Variants in MMP8 observed in about 807,000 individuals in gnomAD.
The protein encoded by MMP8 is neutrophil collagenase.
MMP8 carries 67 observed loss-of-function variants against 51.2 expected under a neutral mutation model. The observed-to-expected ratio is 1.31, with a 90% CI of 1.08 to 1.60. MMP8 has a LOEUF of 1.60. Among genes scored for constraint, MMP8 ranks in the 40% most tolerant of loss-of-function variants. MMP8 has a pLI of 0.00. For missense variants in MMP8, 654 were observed against 558.1 expected, an observed-to-expected ratio of 1.17 and a Z score of -1.73; for synonymous variants, 225 against 191.0, an observed-to-expected ratio of 1.18 and a Z score of -1.47.
intron 1 of MMP8, chr11:102,723,942 G>T: frequency 3.0e-6 from 1 of 329,122 alleles, no homozygotes; most frequent in Non-Finnish European, 6.4e-6. Flanking sequence ...AGATATTTTT[G>T]TCTCTGAAAT....
rs1861502228 is a variant in MMP8, at chr11:102,722,490, T to C, written c.286A>G (p.Ser96Gly). The change falls in exon 2 of 10, where the codon AGT (serine) becomes GGT (glycine). Residue 96 changes from serine to glycine, a missense_variant. Ser to Gly is a moderately conservative substitution (Grantham distance 56). Coordinates refer to ENST00000236826, the MANE Select transcript of MMP8 (RefSeq NM_002424.3). Reference sequence around the variant, plus strand: ...CCTGGGGTTAACATAAAACCACCACTGTCAGGCACTCCACAGCGAGGCTTT... The same window carrying C: ...CCTGGGGTTAACATAAAACCACCACCGTCAGGCACTCCACAGCGAGGCTTT... ...MKKPRCGVPD[S>G]GGFMLTPGNP... 1 of 1,613,938 alleles carries C rather than the reference T, an allele frequency of 6.2e-7. No homozygotes were observed. Among genetic ancestry groups the C allele is most frequent in the South Asian group, 1.1e-5 (1 of 91,082 alleles).
At chr11:102,714,957 G>A (rs1861244833) in intron 7 of MMP8, among the ~76,000 whole-genome samples, 1 of 151,772 alleles carries the variant, frequency 6.6e-6, no homozygotes, top group Admixed American at 6.6e-5. Context: ...GACATTCAAG[G>A]CCCCACAATT....
Position 102,715,381 on chromosome 11 carries a change from A to G in MMP8, c.959T>C (p.Leu320Pro). The part of the protein sequence containing the change: ...LQRVEMNFIS[L>P]FWPSLPTGIQ... The stretch of plus-strand genomic sequence containing the variant: ...ACCAGTTGGAAGGGATGGCCAGAAT[A>G]GAGAAATAAAATTCATTTCGACTCT... Residue 320 changes from leucine to proline, a missense_variant, in exon 7 of 10, where the codon CTA becomes CCA. Leu to Pro is a moderately conservative substitution (Grantham distance 98). Transcript: ENST00000236826. 6.2e-7 allele frequency: 1 copy of G among 1,613,770 alleles called. No homozygotes were observed. Among genetic ancestry groups the G allele is most frequent in the Non-Finnish European group, 8.5e-7 (1 of 1,179,802 alleles).
chr11:102,723,860 A>C (rs1170371619), intron 1 of MMP8: 3 of 252,240 alleles, frequency 1.2e-5, no homozygotes, highest in Non-Finnish European at 2.6e-5. Flanking sequence ...GGAATCAGAC[A>C]GGCCTGGGTT....
At chr11:102,723,261 G>A (rs1366445705) in intron 1 of MMP8, among the ~76,000 whole-genome samples, 1 of 152,142 alleles carries the variant, frequency 6.6e-6, no homozygotes, top group Non-Finnish European at 1.5e-5. Flanking sequence ...CTTTGGAAGT[G>A]TTAAATTTAG....
rs1861145373 is a variant in MMP8, at chr11:102,712,241, G to A, written c.*1107C>T. Reference sequence around the variant, plus strand: ...CATCAGATCCAACTGGCCCATTTGGGTTTGGACTCTAGGAGAGAGCAAGGA... The same window carrying A: ...CATCAGATCCAACTGGCCCATTTGGATTTGGACTCTAGGAGAGAGCAAGGA... On this transcript the variant is annotated 3_prime_UTR_variant, in exon 10 of 10. Transcript: ENST00000236826. 6.6e-6 allele frequency: 1 copy of A among 152,212 alleles called. No homozygotes were observed. The highest frequency in any genetic ancestry group is 6.5e-5 in the Admixed American group (1 of 15,274). 9.4% of individuals were successfully genotyped at this position (152,212 alleles called of 1,614,324 possible).
Position 102,722,688 on chromosome 11 carries a change from G to A in MMP8, c.103-15C>T. The A allele has an allele frequency of 1.2e-6, 2 of 1,611,978 alleles. No homozygotes were observed. The highest frequency in any genetic ancestry group is 1.7e-6 in the Non-Finnish European group (2 of 1,178,500). ...TCCAGGTAGTCCTGGACAAAGACAAGCACATAGGGGTCTTGCTGTGAAAGG... is the reference window on the plus strand; with the variant it reads ...TCCAGGTAGTCCTGGACAAAGACAAACACATAGGGGTCTTGCTGTGAAAGG... On this transcript the variant is annotated splice_polypyrimidine_tract_variant and intron_variant, in intron 1 of 9. Transcript: ENST00000236826.
At chr11:102,720,671 C>T (rs1861441986) in intron 4 of MMP8, among the ~76,000 whole-genome samples, 1 of 152,200 alleles carries the variant, frequency 6.6e-6, no homozygotes, top group Non-Finnish European at 1.5e-5. Context: ...CCCAGTCCTT[C>T]TTAATAGGAG....
intron 4 of MMP8, among the ~76,000 whole-genome samples, chr11:102,718,776 G>A (rs1033065609): frequency 2.6e-5 from 4 of 152,206 alleles, no homozygotes; most frequent in Admixed American, 1.3e-4. Context: ...TGGCGACTAG[G>A]TGAGTATGAA....
intron 4 of MMP8, among the ~76,000 whole-genome samples, chr11:102,719,205 C>A (rs1861398468): frequency 6.6e-6 from 1 of 152,164 alleles, no homozygotes; most frequent in Admixed American, 6.5e-5. Context: ...CAACTGGAGA[C>A]TTAAAACCTT....
chr11:102,721,533 TAAG>T lies in MMP8; in HGVS notation c.497-10_497-8del. On this transcript the variant is annotated splice_region_variant and splice_polypyrimidine_tract_variant and intron_variant, in intron 3 of 9. Coordinates refer to ENST00000236826, the MANE Select transcript of MMP8 (RefSeq NM_002424.3). ...GGAGAATTGTCACCGTGATCTGAAATAAGAACATTTGTATTAGATCCTTGCCAA... is the reference window on the plus strand; with the variant it reads ...GGAGAATTGTCACCGTGATCTGAAATAACATTTGTATTAGATCCTTGCCAA... 1 of 1,613,756 alleles carries T rather than the reference TAAG, an allele frequency of 6.2e-7. No individual in the cohort carries two copies. The highest frequency in any genetic ancestry group is 8.5e-7 in the Non-Finnish European group (1 of 1,179,778).
intron 4 of MMP8, among the ~76,000 whole-genome samples, chr11:102,719,781 C>G (rs1020593399): frequency 6.6e-6 from 1 of 152,198 alleles, no homozygotes; most frequent in Non-Finnish European, 1.5e-5. Context: ...TTGTGGTTCT[C>G]TGCTCTACAG....
intron 5 of MMP8, among the ~76,000 whole-genome samples, chr11:102,717,394 C>T (rs1462187832): frequency 6.6e-6 from 1 of 152,130 alleles, no homozygotes; most frequent in Admixed American, 6.5e-5. Flanking sequence ...CACTACCATT[C>T]CCTTTCTTCT....
intron 7 of MMP8, 77 bp downstream of exon 7, chr11:102,715,227 C>A (rs182673572): frequency 6.6e-7 from 1 of 1,515,030 alleles, no homozygotes; most frequent in Non-Finnish European, 8.8e-7. Context: ...CACCATGAAC[C>A]TGAAAGGGAC....
In MMP8 at chr11:102,718,423, C is replaced by T. The variant is rs773922502; in HGVS notation, c.775G>A (p.Ala259Thr). The change falls in exon 5 of 10, where the codon GCC becomes ACC. Residue 259 changes from alanine to threonine, a missense_variant. By Grantham distance (58) the Ala-to-Thr change is moderately conservative. Transcript: ENST00000236826. ...CTTGAGAAGACCTTACCATAGATGGCCTGAATGCCATCGATGTCATCTTGA... is the reference window on the plus strand; with the variant it reads ...CTTGAGAAGACCTTACCATAGATGGTCTGAATGCCATCGATGTCATCTTGA... ...LPQDDIDGIQ[A>T]IYGLSSNPIQ... The T allele has an allele frequency of 1.2e-6, 2 of 1,611,048 alleles. No individual in the cohort carries two copies. Among genetic ancestry groups the T allele is most frequent in the Non-Finnish European group, 1.7e-6 (2 of 1,178,506 alleles).
intron 7 of MMP8, among the ~76,000 whole-genome samples, chr11:102,715,010 C>T (rs1861246629): frequency 6.6e-6 from 1 of 151,904 alleles, no homozygotes; most frequent in African/African-American, 2.4e-5. Context: ...AACCAAATTA[C>T]AGCTTGAGGA....
chr11:102,717,844 C>T (rs757841452), intron 5 of MMP8, among the ~76,000 whole-genome samples: 55 of 152,178 alleles, frequency 3.6e-4, no homozygotes, highest in Admixed American at 1.2e-3. Flanking sequence ...CAATGGCTCA[C>T]GCCTGTAATC....
intron 4 of MMP8, among the ~76,000 whole-genome samples, 163 bp from the exon 5 acceptor site, chr11:102,718,738 T>G (rs539135839): frequency 1.3e-5 from 2 of 152,274 alleles, no homozygotes; most frequent in East Asian, 3.9e-4. Flanking sequence ...AAGTGGACAT[T>G]GAGAAGAATC....
At chr11:102,722,951 G>T in intron 1 of MMP8, 1 of 1,240,606 alleles carries the variant, frequency 8.1e-7, no homozygotes, top group Non-Finnish European at 1.1e-6. Context: ...CTACAGTCAG[G>T]AGACTGTCTT....
Sources: allele counts gnomAD v4.1 joint callset (sites outside exome capture counted in the v4.1 genomes callset), GRCh38; gene constraint gnomAD v4.1.1; transcripts MANE v1.5; gene names NCBI Gene and HGNC (gene_info 2026-07-23, HGNC 2026-07-21).